Variants in MTSS1 observed in about 807,000 individuals in gnomAD.
MTSS1 encodes MTSS I-BAR domain containing 1.
Under a neutral mutation model 79.0 loss-of-function variants are expected in MTSS1, and 18 were observed. The ratio of observed to expected loss-of-function variants is 0.23; its 90% confidence interval spans 0.16 to 0.34. MTSS1 has a LOEUF of 0.34. MTSS1 is among the 10% of genes least tolerant of loss of function. The pLI, the probability that MTSS1 is intolerant of heterozygous loss-of-function variation, is 1.00. For missense variants in MTSS1, 815 were observed against 986.2 expected (o/e 0.83, Z 2.33); for synonymous variants, 341 against 368.6 (o/e 0.93, Z 0.86).
chr8:124,574,829 G>A (rs1337488871), intron 6 of MTSS1, among the ~76,000 whole-genome samples: 2 of 152,148 alleles, frequency 1.3e-5, no homozygotes, highest in Non-Finnish European at 2.9e-5. Flanking sequence ...TTAGAATCCT[G>A]CAAAATGACT....
chr8:124,665,572 A>T (rs1822897671), intron 3 of MTSS1, among the ~76,000 whole-genome samples: 1 of 152,206 alleles, frequency 6.6e-6, no homozygotes, highest in African/African-American at 2.4e-5. Context: ...CTATAAAAAA[A>T]ATCTGGCCCC....
At chr8:124,718,973 T>A (rs1393655856) in intron 1 of MTSS1, among the ~76,000 whole-genome samples, 8 of 152,160 alleles carry the variant, frequency 5.3e-5, no homozygotes, top group Non-Finnish European at 1.0e-4. Context: ...TGAGTCTAGA[T>A]TTTTGTGTGT....
chr8:124,681,530 G>A (rs1193577459), intron 3 of MTSS1, among the ~76,000 whole-genome samples: 1 of 152,238 alleles, frequency 6.6e-6, no homozygotes, highest in Non-Finnish European at 1.5e-5. Context: ...GCTCATGCCT[G>A]TAATCCCAGC....
intron 3 of MTSS1, among the ~76,000 whole-genome samples, chr8:124,616,298 C>G (rs546958177): frequency 5.7e-4 from 86 of 151,700 alleles, no homozygotes; most frequent in African/African-American, 1.8e-3. Flanking sequence ...AAGTAAGACC[C>G]TTGACCCAGG....
chr8:124,714,209 T>C (rs1267136195), intron 1 of MTSS1, among the ~76,000 whole-genome samples: 1 of 152,204 alleles, frequency 6.6e-6, no homozygotes, highest in Non-Finnish European at 1.5e-5. Flanking sequence ...GACGTCATGA[T>C]GGGCACTGAA....
At position 124,624,930 on chromosome 8, in the gene MTSS1, T is replaced by C. The variant is rs1035619268; in HGVS notation, c.209-33695A>G. The stretch of plus-strand genomic sequence containing the variant: ...CCTGACACCCATTGTCCTTGTTTCA[T>C]AGATAAATGTTCTACATGACATGCC... On this transcript the variant is annotated intron_variant, in intron 3 of 13. Transcript: ENST00000518547. Among the ~76,000 whole-genome samples, 4 of 152,336 alleles carry C rather than the reference T, an allele frequency of 2.6e-5. No homozygotes were observed. The East Asian group carries it at 7.7e-4, about 29-fold the overall frequency.
intron 3 of MTSS1, among the ~76,000 whole-genome samples, chr8:124,678,186 T>C (rs1825611349): frequency 6.6e-6 from 1 of 152,150 alleles, no homozygotes; most frequent in Non-Finnish European, 1.5e-5. Flanking sequence ...CAGTGGATAG[T>C]ATACATATTT....
At chr8:124,611,309 G>A (rs531196584) in intron 3 of MTSS1, among the ~76,000 whole-genome samples, 67 of 152,286 alleles carry the variant, frequency 4.4e-4, no homozygotes, top group African/African-American at 1.4e-3. Context: ...GGTAAGTGAC[G>A]TACATCACAA....
At chr8:124,633,432 T>C (rs920456469) in intron 3 of MTSS1, among the ~76,000 whole-genome samples, 3 of 152,174 alleles carry the variant, frequency 2.0e-5, no homozygotes, top group Admixed American at 6.5e-5. Flanking sequence ...TAGCTCTGAC[T>C]CTTATTCCTA....
At chr8:124,645,074 A>T (rs1818755705) in intron 3 of MTSS1, among the ~76,000 whole-genome samples, 1 of 152,118 alleles carries the variant, frequency 6.6e-6, no homozygotes, top group Admixed American at 6.6e-5. Context: ...GTGCATCAAA[A>T]ATGCATTTTT....
chr8:124,707,794 T>C (rs1587916675), intron 1 of MTSS1, among the ~76,000 whole-genome samples: 1 of 152,112 alleles, frequency 6.6e-6, no homozygotes, highest in East Asian at 1.9e-4. Context: ...GAGAATCCCT[T>C]GAGCCCGGGA....
At chr8:124,692,285 C>T (rs1828064546) in intron 3 of MTSS1, among the ~76,000 whole-genome samples, 1 of 151,950 alleles carries the variant, frequency 6.6e-6, no homozygotes, top group Non-Finnish European at 1.5e-5. Context: ...CCACCTCGGC[C>T]TCTCAAATGA....
chr8:124,557,706 G>A lies in MTSS1; in HGVS notation c.1205C>T (p.Pro402Leu), dbSNP rs201388085. ...CTTCCAGCTAGGGATCTGAGATGAC[G>A]GGAACATGCCGGGCCCAATGGTGTA... ...HYYTIGPGMFPSSQIPSWKDW... is the reference protein window; with the variant it reads ...HYYTIGPGMFLSSQIPSWKDW... The change falls in exon 11 of 14, where the codon CCG (proline) becomes CTG (leucine). Residue 402 changes from proline (P) to leucine (L), a missense_variant. Physicochemically the swap from Pro to Leu is moderately conservative, Grantham distance 98 (BLOSUM62 -3). Around this residue, in one of 2 missense-constraint regions of MTSS1, gnomAD observed 590 missense variants for 620.8 expected, o/e 0.95. Coordinates refer to ENST00000518547, the MANE Select transcript of MTSS1 (RefSeq NM_014751.6). 38 of 1,588,858 alleles carry A rather than the reference G, an allele frequency of 2.4e-5. 1 individual carries two copies. The highest frequency in any genetic ancestry group is 2.1e-4 in the Admixed American group (12 of 56,696).
intron 3 of MTSS1, among the ~76,000 whole-genome samples, chr8:124,693,761 C>T (rs544389024): frequency 2.8e-4 from 42 of 152,336 alleles, no homozygotes; most frequent in African/African-American, 9.6e-4. Context: ...TTATCTTTGG[C>T]TTAATCTTGC....
At chr8:124,560,185 C>T (rs575522963) in intron 10 of MTSS1, among the ~76,000 whole-genome samples, 19 of 148,114 alleles carry the variant, frequency 1.3e-4, no homozygotes, top group Admixed American at 5.3e-4. Context: ...AATTCCCAGT[C>T]GAGAAACTGA....
At chr8:124,599,085 T>C (rs1039302195) in intron 3 of MTSS1, among the ~76,000 whole-genome samples, 2 of 152,184 alleles carry the variant, frequency 1.3e-5, no homozygotes, top group African/African-American at 2.4e-5. Flanking sequence ...TCCCTCCCCA[T>C]TGCCCTTGCC....
intron 3 of MTSS1, among the ~76,000 whole-genome samples, chr8:124,617,338 G>A (rs1837059520): frequency 1.3e-5 from 2 of 152,094 alleles, no homozygotes; most frequent in African/African-American, 2.4e-5. Context: ...GGGTCCCAGG[G>A]GGCTCCCATT....
intron 3 of MTSS1, among the ~76,000 whole-genome samples, chr8:124,682,554 C>T (rs1826293170): frequency 6.6e-6 from 1 of 152,188 alleles, no homozygotes. Flanking sequence ...AGCCTACAGC[C>T]TCCATTCCTG....
intron 3 of MTSS1, among the ~76,000 whole-genome samples, chr8:124,621,569 G>A (rs1813520177): frequency 6.6e-6 from 1 of 152,066 alleles, no homozygotes; most frequent in South Asian, 2.1e-4. Context: ...TTTTGAGACG[G>A]CGTCTCGCCC....
Sources: allele counts gnomAD v4.1 joint callset (sites outside exome capture counted in the v4.1 genomes callset), GRCh38; gene constraint gnomAD v4.1.1; regional missense constraint gnomAD v4.1.1; transcripts MANE v1.5; gene names NCBI Gene and HGNC (gene_info 2026-07-23, HGNC 2026-07-21).